Variants in DCDC1 observed in about 807,000 individuals in gnomAD.
The protein encoded by DCDC1 is doublecortin domain-containing protein 1.
DCDC1 carries 200 observed loss-of-function variants against 178.3 expected under a neutral mutation model. The ratio of observed to expected loss-of-function variants is 1.12; its 90% CI spans 1.00 to 1.26. The LOEUF (loss-of-function observed/expected upper bound fraction) is 1.26. DCDC1 is among the 50% of genes most tolerant of loss of function. The pLI is 0.00. For missense variants in DCDC1, 1,983 were observed against 1,749.2 expected, an observed-to-expected ratio of 1.13 and a Z score of -2.38; for synonymous variants, 690 against 604.8, an observed-to-expected ratio of 1.14 and a Z score of -2.07.
chr11:31,087,875 A>G (rs1341823424), intron 17 of DCDC1, among the ~76,000 whole-genome samples: 1 of 152,244 alleles, frequency 6.6e-6, no homozygotes, highest in Non-Finnish European at 1.5e-5. Flanking sequence ...CTATATCCTT[A>G]CAGATTTTTT....
At position 31,095,833 on chromosome 11, in the gene DCDC1, G is replaced by A. The variant is rs141611736; in HGVS notation, c.1984-1649C>T. On this transcript the variant is annotated intron_variant, in intron 15 of 38. Coordinates refer to ENST00000684477, the MANE Select transcript of DCDC1 (RefSeq NM_001387274.1). ...ATAAACTTTATCTCCTAAATTATACGATCACTTTCACTGAGTAATTATTCT... is the reference window on the plus strand; with the variant it reads ...ATAAACTTTATCTCCTAAATTATACAATCACTTTCACTGAGTAATTATTCT... Among the ~76,000 whole-genome samples, 24 of 152,108 alleles carry A rather than the reference G, an allele frequency of 1.6e-4. No homozygotes were observed. The South Asian group carries it at 3.5e-3, about 22-fold the overall frequency.
chr11:31,145,939 T>TA (rs768926943), intron 9 of DCDC1, among the ~76,000 whole-genome samples: 37 of 152,204 alleles, frequency 2.4e-4, no homozygotes, highest in Non-Finnish European at 4.4e-4. Flanking sequence ...CATGCATGTA[T>TA]ATAATTTGTG....
At chr11:30,929,258 C>T (rs1274910978) in intron 22 of DCDC1, among the ~76,000 whole-genome samples, 1 of 152,042 alleles carries the variant, frequency 6.6e-6, no homozygotes, top group African/African-American at 2.4e-5. Flanking sequence ...GCAGATTGTA[C>T]ATCTGCTATG....
At position 30,911,354 on chromosome 11, in the gene DCDC1, T is replaced by C; in HGVS notation, c.3720A>G (p.Glu1240=). 1 of 1,605,780 alleles carries C rather than the reference T, an allele frequency of 6.2e-7. No individual in the cohort carries two copies. The highest frequency in any genetic ancestry group is 8.5e-7 in the Non-Finnish European group (1 of 1,176,074). ...GAACAATAACTGGATAGCCACAAAC[T>C]TCATTTCTAGTCTTGGTCATAGACA... ...LAVSMTKTRN[E]VCGYPVIVQK... is the part of the protein sequence containing the mutation. The change falls in exon 28 of 39, where the codon GAA becomes GAG. Residue 1240 remains glutamate, a synonymous_variant. Transcript: ENST00000684477.
intron 9 of DCDC1, among the ~76,000 whole-genome samples, chr11:31,175,786 C>T (rs1162064627): frequency 6.6e-6 from 1 of 152,218 alleles, no homozygotes; most frequent in African/African-American, 2.4e-5. Flanking sequence ...AAAGCAATCA[C>T]AGATATTGTT....
intron 23 of DCDC1, 136 bp from the exon 24 acceptor site, chr11:30,922,774 AC>A: frequency 2.0e-5 from 16 of 790,858 alleles, no homozygotes; most frequent in Non-Finnish European, 2.6e-5. Flanking sequence ...AAAACTGTGT[AC>A]CACTCAGTAC....
At chr11:31,149,527 C>A in intron 9 of DCDC1, among the ~76,000 whole-genome samples, 1 of 152,090 alleles carries the variant, frequency 6.6e-6, no homozygotes, top group East Asian at 1.9e-4. Flanking sequence ...CAGCAGCAAC[C>A]TGCTCGGGTT....
chr11:31,334,730 A>G (rs1449047295), intron 2 of DCDC1, among the ~76,000 whole-genome samples: 1 of 152,138 alleles, frequency 6.6e-6, no homozygotes, highest in African/African-American at 2.4e-5. Context: ...AACAGCAAAT[A>G]TTGCAGAACA....
rs746373652 is a variant in DCDC1 at position 30,916,933 on chromosome 11, T to C, written c.3389A>G (p.Asp1130Gly). 9 of 1,611,292 alleles carry C rather than the reference T, an allele frequency of 5.6e-6. No individual in the cohort carries two copies. Among genetic ancestry groups the C allele is most frequent in the Non-Finnish European group, 7.6e-6 (9 of 1,178,682 alleles). The change falls in exon 26 of 39, where the codon GAC becomes GGC. Residue 1130 changes from aspartate to glycine, a missense_variant. Transcript: ENST00000684477. ...QETSHDFDED[D>G]SLPKKTEKGL... Reference sequence around the variant, plus strand: ...TTTTTCCGTTTTCTTTGGAAGACTGTCATCCTCATCAAAGTCATGTGAAGT... The same window carrying C: ...TTTTTCCGTTTTCTTTGGAAGACTGCCATCCTCATCAAAGTCATGTGAAGT...
chr11:31,001,670 G>C (rs1565171085), intron 20 of DCDC1, among the ~76,000 whole-genome samples: 1 of 152,298 alleles, frequency 6.6e-6, no homozygotes, highest in African/African-American at 2.4e-5. Flanking sequence ...AGCAAAGACA[G>C]AGGAATATCA....
At chr11:31,353,034 C>T (rs964843031) in intron 1 of DCDC1, among the ~76,000 whole-genome samples, 1 of 152,196 alleles carries the variant, frequency 6.6e-6, no homozygotes, top group Non-Finnish European at 1.5e-5. Context: ...TGCACAAACA[C>T]ACACAACACA....
intron 14 of DCDC1, 146 bp from the exon 15 acceptor site, chr11:31,102,428 A>G: frequency 2.2e-6 from 1 of 455,988 alleles, no homozygotes; most frequent in Non-Finnish European, 4.0e-6. Context: ...CCTGGAAAGT[A>G]CCAGCAGTCA....
At chr11:31,151,580 T>C (rs1965172977) in intron 9 of DCDC1, among the ~76,000 whole-genome samples, 1 of 152,240 alleles carries the variant, frequency 6.6e-6, no homozygotes, top group Non-Finnish European at 1.5e-5. Flanking sequence ...CATTAATCTA[T>C]TCTAATACAA....
intron 34 of DCDC1, among the ~76,000 whole-genome samples, chr11:30,897,619 T>C (rs1182569871): frequency 1.3e-5 from 2 of 149,666 alleles, no homozygotes; most frequent in Non-Finnish European, 3.0e-5. Flanking sequence ...AATACTTAAT[T>C]GTAATAAAAA....
At position 31,045,150 on chromosome 11, in the gene DCDC1, G is replaced by A. The variant is rs1315970246; in HGVS notation, c.2591+19319C>T. On this transcript the variant is annotated intron_variant, in intron 20 of 38. Transcript: ENST00000684477. ...CTCATAAATATACTTATATGTATAT[G>A]TGTGTAGACTAAAAAGGAGCATTCC... is the stretch of plus-strand genomic sequence containing the variant. 4.6e-5 allele frequency among the ~76,000 whole-genome samples: 7 copies of A among 151,902 alleles called. No homozygotes were observed. The East Asian group carries it at 1.4e-3, about 29-fold the overall frequency.
At chr11:31,065,214 T>C in intron 18 of DCDC1, 61 bp from the exon 19 acceptor site, 1 of 613,332 alleles carries the variant, frequency 1.6e-6, no homozygotes. Context: ...CAAAAATCCA[T>C]CCAACTGGAA....
At chr11:31,103,617 C>T (rs192091685) in intron 14 of DCDC1, 27 bp downstream of exon 14, 1 of 751,292 alleles carries the variant, frequency 1.3e-6, no homozygotes, top group Non-Finnish European at 2.4e-6. Context: ...TTAACCACAT[C>T]TTTAACAAGA....
intron 34 of DCDC1, among the ~76,000 whole-genome samples, chr11:30,896,141 A>C (rs1944193241): frequency 6.6e-6 from 1 of 152,260 alleles, no homozygotes; most frequent in Admixed American, 6.5e-5. Context: ...TTTTATGATA[A>C]ACTATTATTT....
chr11:31,359,586 GA>G (rs996106837), intron 1 of DCDC1, among the ~76,000 whole-genome samples: 1 of 150,284 alleles, frequency 6.7e-6, no homozygotes, highest in East Asian at 2.0e-4. Flanking sequence ...AAGTATAACA[GA>G]AAAAAAAAGA....
Sources: allele counts gnomAD v4.1 joint callset (sites outside exome capture counted in the v4.1 genomes callset), GRCh38; gene constraint gnomAD v4.1.1; transcripts MANE v1.5; gene names NCBI Gene and HGNC (gene_info 2026-07-23, HGNC 2026-07-21).